The following PLCB1 variants were observed in gnomAD, a reference collection of about 807,000 sequenced individuals.
PLCB1 encodes 1-phosphatidylinositol 4,5-bisphosphate phosphodiesterase beta-1.
PLCB1 carries 46 observed loss-of-function variants against 161.8 expected under a neutral mutation model. That is an observed-to-expected ratio of 0.28 (90% confidence interval 0.22 to 0.36). The LOEUF (loss-of-function observed/expected upper bound fraction) is 0.36, where lower values mean the gene tolerates loss of function less well. Among genes scored for constraint, PLCB1 ranks in the 10% least tolerant of loss-of-function variants. The pLI is 1.00. For missense variants in PLCB1, 1,016 were observed against 1,472.5 expected (o/e 0.69, Z 5.07); for synonymous variants, 517 against 503.7 (o/e 1.03, Z -0.35).
intron 25 of PLCB1, among the ~76,000 whole-genome samples, chr20:8,763,224 C>T (rs1415799135): frequency 2.0e-5 from 3 of 152,144 alleles, no homozygotes; most frequent in South Asian, 2.1e-4. Flanking sequence ...TGTTTTGAGA[C>T]GGAGTCTCAC....
chr20:8,271,799 A>G (rs969213550), intron 2 of PLCB1, among the ~76,000 whole-genome samples: 3 of 152,108 alleles, frequency 2.0e-5, no homozygotes, highest in African/African-American at 7.2e-5. Flanking sequence ...GCATCCTACA[A>G]TCCAATTACA....
chr20:8,540,148 A>C (rs1555768837), intron 3 of PLCB1, among the ~76,000 whole-genome samples: 1 of 151,950 alleles, frequency 6.6e-6, no homozygotes, highest in Non-Finnish European at 1.5e-5. Flanking sequence ...TATACTAAAG[A>C]AAAAAGAAAG....
At chr20:8,762,319 A>C (rs1982083285) in intron 25 of PLCB1, among the ~76,000 whole-genome samples, 2 of 152,162 alleles carry the variant, frequency 1.3e-5, no homozygotes, top group Admixed American at 1.3e-4. Context: ...TGAATGGACA[A>C]AAGGCAATGG....
chr20:8,562,737 G>A (rs1986183250), intron 3 of PLCB1, among the ~76,000 whole-genome samples: 1 of 152,034 alleles, frequency 6.6e-6, no homozygotes, highest in Non-Finnish European at 1.5e-5. Context: ...AAGTAATTTG[G>A]TAATATGACT....
At chr20:8,626,048 C>T (rs1260411892) in intron 3 of PLCB1, among the ~76,000 whole-genome samples, 1 of 151,730 alleles carries the variant, frequency 6.6e-6, no homozygotes, top group East Asian at 1.9e-4. Flanking sequence ...CGTGGTGGCA[C>T]ACCCCTATAG....
intron 9 of PLCB1, among the ~76,000 whole-genome samples, chr20:8,679,503 T>C (rs1350140374): frequency 2.0e-5 from 3 of 152,192 alleles, no homozygotes; most frequent in East Asian, 1.9e-4. Context: ...GCAAGCATGA[T>C]GGCATCCAGC....
In PLCB1 at chr20:8,132,897, A is replaced by G. The variant is rs2051307665; in HGVS notation, c.99+147A>G. 1.6e-6 allele frequency: 1 copy of G among 631,592 alleles called. No individual in the cohort carries two copies. Among genetic ancestry groups the G allele is most frequent in the Non-Finnish European group, 2.9e-6 (1 of 347,258 alleles). The allele number at this position is 631,592 out of a possible 1,614,324, so 39.1% of individuals were successfully genotyped here. Reference sequence around the variant, plus strand: ...TCGGGCGCACAGGTTGGCATCTGCCAAAGCGGATGTCCAAGGGCAGAAGCT... The same window carrying G: ...TCGGGCGCACAGGTTGGCATCTGCCGAAGCGGATGTCCAAGGGCAGAAGCT... On this transcript the variant is annotated intron_variant, in intron 1 of 31. Coordinates refer to ENST00000338037, the MANE Select transcript of PLCB1 (RefSeq NM_015192.4). The surrounding 1 kb of genome is among the most constrained non-coding windows in gnomAD (Gnocchi z 5.2).
intron 3 of PLCB1, among the ~76,000 whole-genome samples, chr20:8,462,810 G>A (rs895401648): frequency 1.3e-4 from 16 of 127,314 alleles, no homozygotes; most frequent in Non-Finnish European, 2.3e-4. Context: ...TCCACAATAA[G>A]GCTTAGACGC....
chr20:8,203,062 A>G (rs1978337336), intron 2 of PLCB1, among the ~76,000 whole-genome samples: 1 of 151,400 alleles, frequency 6.6e-6, no homozygotes, highest in Non-Finnish European at 1.5e-5. Flanking sequence ...AAGCTGGAAG[A>G]GCTCAGTCAT....
intron 3 of PLCB1, among the ~76,000 whole-genome samples, chr20:8,556,522 C>G (rs1363162247): frequency 6.6e-6 from 1 of 151,934 alleles, no homozygotes; most frequent in African/African-American, 2.4e-5. Flanking sequence ...TGCATATGCC[C>G]AGGATAGGAC....
chr20:8,312,640 G>C (rs756052943), intron 2 of PLCB1, among the ~76,000 whole-genome samples: 5 of 152,034 alleles, frequency 3.3e-5, no homozygotes, highest in Non-Finnish European at 7.4e-5. Context: ...TAATGAAGGG[G>C]AAAAAACAAG....
intron 2 of PLCB1, among the ~76,000 whole-genome samples, chr20:8,215,959 T>C (rs966471795): frequency 1.4e-4 from 21 of 152,136 alleles, no homozygotes; most frequent in African/African-American, 5.1e-4. Flanking sequence ...AATTTGATGA[T>C]ACCCACATCA....
intron 9 of PLCB1, among the ~76,000 whole-genome samples, chr20:8,677,665 T>C (rs1380749935): frequency 1.3e-5 from 2 of 152,052 alleles, no homozygotes; most frequent in African/African-American, 4.8e-5. Flanking sequence ...GTTTTTAGGA[T>C]GGTGAATCAC....
chr20:8,317,830 A>G (rs1436552531), intron 2 of PLCB1, among the ~76,000 whole-genome samples: 1 of 152,144 alleles, frequency 6.6e-6, no homozygotes, highest in Non-Finnish European at 1.5e-5. Context: ...TTGACCTTGT[A>G]ACCATAAAGC....
chr20:8,336,276 A>G (rs1488474558), intron 2 of PLCB1, among the ~76,000 whole-genome samples: 2 of 152,238 alleles, frequency 1.3e-5, no homozygotes, highest in African/African-American at 2.4e-5. Flanking sequence ...ACCTACACCT[A>G]TATACGTACA....
At chr20:8,880,989 C>G (rs1205105896) in intron 31 of PLCB1, 1 of 154,892 alleles carries the variant, frequency 6.5e-6, no homozygotes, top group African/African-American at 2.4e-5. Context: ...GCCCCAGCCT[C>G]CCAAGTAGGT....
chr20:8,440,600 T>C (rs2122610290), intron 3 of PLCB1, among the ~76,000 whole-genome samples: 1 of 152,202 alleles, frequency 6.6e-6, no homozygotes, highest in East Asian at 1.9e-4. Context: ...ATCCAGAAAG[T>C]TTGTATATTA....
chr20:8,341,893 G>T (rs748319892), intron 2 of PLCB1, among the ~76,000 whole-genome samples: 1 of 152,088 alleles, frequency 6.6e-6, no homozygotes, highest in Non-Finnish European at 1.5e-5. Context: ...GAGGTTCAAA[G>T]AGGCTAGATA....
At chr20:8,269,249 G>A (rs996564147) in intron 2 of PLCB1, among the ~76,000 whole-genome samples, 1 of 151,466 alleles carries the variant, frequency 6.6e-6, no homozygotes, top group African/African-American at 2.4e-5. Context: ...CCCAACCCCT[G>A]ACAGGCCCCG....
Sources: gnomAD v4.1 joint callset for allele counts (sites outside exome capture counted in the v4.1 genomes callset) on GRCh38, gnomAD v4.1.1 for gene constraint, Gnocchi (gnomAD v3.1) non-coding constraint, MANE v1.5 for transcripts, NCBI Gene and HGNC (gene_info 2026-07-23, HGNC 2026-07-21) for gene names.